Variants in CACNA2D2 observed in about 807,000 individuals in gnomAD.
The protein encoded by CACNA2D2 is voltage-dependent calcium channel subunit alpha-2/delta-2.
Under a neutral mutation model 166.4 loss-of-function variants are expected in CACNA2D2, and 48 were observed. The observed-to-expected ratio is 0.29, with a 90% CI of 0.23 to 0.37. The LOEUF (loss-of-function observed/expected upper bound fraction) is 0.37, where lower values mean the gene tolerates loss of function less well. CACNA2D2 is among the 10% of genes least tolerant of loss of function. The probability of loss-of-function intolerance (pLI) is 1.00; values close to 1 mark genes in which losing one functional copy is unlikely to be tolerated. For synonymous variants in CACNA2D2, 561 were observed against 573.7 expected (o/e 0.98, Z 0.32); for missense variants, 1,122 against 1,433.0 (o/e 0.78, Z 3.50).
In CACNA2D2 at chr3:50,379,206, G is replaced by A. The variant is rs759901921; in HGVS notation, c.1153-7C>T. The A allele has an allele frequency of 7.5e-6, 12 of 1,606,126 alleles. No individual in the cohort carries two copies. The African/African-American group carries it at 9.4e-5, about 13-fold the overall frequency. On this transcript the variant is annotated splice_region_variant and splice_polypyrimidine_tract_variant and intron_variant, in intron 11 of 37. Coordinates refer to ENST00000424201, the MANE Select transcript of CACNA2D2 (RefSeq NM_006030.4). This position sits in a 1 kb window ranked among gnomAD's most constrained non-coding sequence, Gnocchi z 6.5. ...TGGCCCGAGTGATGTTGGACTGAGGGGAGTGAGGCGGAGGCAGGCAGCTCT... is the reference window on the plus strand; with the variant it reads ...TGGCCCGAGTGATGTTGGACTGAGGAGAGTGAGGCGGAGGCAGGCAGCTCT...
chr3:50,436,093 G>T (rs1218829885), intron 2 of CACNA2D2, among the ~76,000 whole-genome samples: 5 of 152,214 alleles, frequency 3.3e-5, no homozygotes, highest in Non-Finnish European at 2.9e-5. Flanking sequence ...CACAGAAACA[G>T]GAGAGGGAAG....
rs753138465 is a variant in CACNA2D2, at chr3:50,366,104, G to A, written c.2769C>T (p.Ser923=). 7.4e-6 allele frequency: 12 copies of A among 1,613,840 alleles called. No homozygotes were observed. In the African/African-American group the frequency reaches 1.5e-4, roughly 20 times the overall value. ...CATAGGACTCCTTGCGGGTGTAGAAGGAGTTATTGTAGAGTGCCAGCATCA... is the reference window on the plus strand; with the variant it reads ...CATAGGACTCCTTGCGGGTGTAGAAAGAGTTATTGTAGAGTGCCAGCATCA... ...ANLMLALYNN[S]FYTRKESYDY... is the part of the protein sequence containing the mutation. The change falls in exon 32 of 38, where the codon TCC becomes TCT. Residue 923 remains serine, a synonymous_variant. Coordinates refer to ENST00000424201, the MANE Select transcript of CACNA2D2 (RefSeq NM_006030.4). This position sits in a 1 kb window ranked among gnomAD's most constrained non-coding sequence, Gnocchi z 5.9.
rs146841496 is a variant in CACNA2D2 at position 50,369,268 on chromosome 3, TTCAC to T, written c.2046-1037_2046-1034del. 9.5e-4 allele frequency among the ~76,000 whole-genome samples: 145 copies of T among 152,362 alleles called. 1 individual carries two copies. In the East Asian group the frequency reaches 0.017, roughly 18 times the overall value. ...ACGTGCACATTTGTGAGGTACTTCA[TTCAC>T]TCACCCTCCACGTATTTATTGAGCT... On this transcript the variant is annotated intron_variant, in intron 23 of 37. Transcript: ENST00000424201.
intron 1 of CACNA2D2, among the ~76,000 whole-genome samples, chr3:50,477,162 C>T (rs1277474372): frequency 6.6e-6 from 1 of 152,058 alleles, no homozygotes; most frequent in East Asian, 1.9e-4. Flanking sequence ...ATCTCCTGAC[C>T]TTGTGATCCG....
chr3:50,412,000 C>T (rs985060668), intron 3 of CACNA2D2, among the ~76,000 whole-genome samples: 4 of 152,194 alleles, frequency 2.6e-5, no homozygotes, highest in African/African-American at 9.6e-5. Flanking sequence ...GCAAGCCACG[C>T]TGGGCTTCTC....
intron 3 of CACNA2D2, among the ~76,000 whole-genome samples, chr3:50,411,145 T>C (rs1706994776): frequency 6.6e-6 from 1 of 152,196 alleles, no homozygotes; most frequent in Admixed American, 6.5e-5. Context: ...CCTGGCCAAA[T>C]GGAGCTTCTT....
intron 2 of CACNA2D2, among the ~76,000 whole-genome samples, chr3:50,474,047 C>G (rs1238530206): frequency 6.6e-6 from 1 of 152,210 alleles, no homozygotes; most frequent in Non-Finnish European, 1.5e-5. Context: ...CTGCCCCAGG[C>G]TCATCTTGTC....
In CACNA2D2 at chr3:50,375,523, C is replaced by A; in HGVS notation, c.1907+121G>T. The stretch of plus-strand genomic sequence containing the variant: ...TAAGCATCTCAGGGTGAGTAGTGAG[C>A]AGCCCTGGCCACTGGTGCCCCACTG... On this transcript the variant is annotated intron_variant, in intron 21 of 37. Coordinates refer to ENST00000424201, the MANE Select transcript of CACNA2D2 (RefSeq NM_006030.4). The surrounding 1 kb of genome is among the most constrained non-coding windows in gnomAD (Gnocchi z 4.0). The A allele has an allele frequency of 1.0e-6, 1 of 1,003,528 alleles. No individual in the cohort carries two copies. Among genetic ancestry groups the A allele is most frequent in the Non-Finnish European group, 1.5e-6 (1 of 660,752 alleles). The allele number at this position is 1,003,528 out of a possible 1,614,324, so 62.2% of individuals were successfully genotyped here.
At chr3:50,394,648 C>T (rs1399744524) in intron 3 of CACNA2D2, among the ~76,000 whole-genome samples, 2 of 152,260 alleles carry the variant, frequency 1.3e-5, no homozygotes, top group Non-Finnish European at 2.9e-5. Context: ...CTTCCTGAGC[C>T]CCTTCCCACA....
intron 1 of CACNA2D2, among the ~76,000 whole-genome samples, chr3:50,482,940 G>A (rs558809261): frequency 1.3e-5 from 2 of 152,288 alleles, no homozygotes; most frequent in East Asian, 1.9e-4. Context: ...CAGTCTAGCC[G>A]AGATCACTCA....
At chr3:50,419,273 C>T (rs1446401792) in intron 3 of CACNA2D2, among the ~76,000 whole-genome samples, 3 of 152,158 alleles carry the variant, frequency 2.0e-5, no homozygotes, top group Non-Finnish European at 4.4e-5. Flanking sequence ...GATGGGCTAA[C>T]GGATCACTGC....
rs1447778097 is a variant in CACNA2D2, at chr3:50,463,843, GGA to G, written c.288+12273_288+12274del. Among the ~76,000 whole-genome samples the G allele has an allele frequency of 5.3e-5, 8 of 152,354 alleles. No homozygotes were observed. The South Asian group carries it at 1.7e-3, about 32-fold the overall frequency. ...GAGAGAGCCCCTGAGTCCCAGGGAG[GGA>G]GGACCCTCATGTGAGCCTGCACTGC... On this transcript the variant is annotated intron_variant, in intron 2 of 37. Transcript: ENST00000424201.
At chr3:50,446,375 G>A (rs1708847998) in intron 2 of CACNA2D2, among the ~76,000 whole-genome samples, 2 of 152,236 alleles carry the variant, frequency 1.3e-5, no homozygotes, top group South Asian at 4.1e-4. Context: ...CTGAGGCACA[G>A]AGAGTAACTG....
intron 2 of CACNA2D2, among the ~76,000 whole-genome samples, chr3:50,451,569 C>T (rs902751255): frequency 1.3e-5 from 2 of 152,224 alleles, no homozygotes; most frequent in African/African-American, 4.8e-5. Flanking sequence ...ATACCCTCTG[C>T]ATGCCCCTCC....
chr3:50,500,370 C>T (rs1698909229), intron 1 of CACNA2D2, among the ~76,000 whole-genome samples: 1 of 152,158 alleles, frequency 6.6e-6, no homozygotes, highest in Non-Finnish European at 1.5e-5. Context: ...TCAGCCAGGA[C>T]TCCACAGAGG....
chr3:50,495,434 C>T (rs1388990722), intron 1 of CACNA2D2, among the ~76,000 whole-genome samples: 2 of 152,230 alleles, frequency 1.3e-5, no homozygotes, highest in African/African-American at 4.8e-5. Context: ...ACAGAACCCA[C>T]GAGAACTGGG....
At chr3:50,430,994 G>C (rs1346354456) in intron 3 of CACNA2D2, among the ~76,000 whole-genome samples, 1 of 152,148 alleles carries the variant, frequency 6.6e-6, no homozygotes, top group Non-Finnish European at 1.5e-5. Flanking sequence ...GGAGAAACTC[G>C]TTACAAACAT....
At position 50,362,639 on chromosome 3, in the gene CACNA2D2, A is replaced by G. The variant is rs1703994537; in HGVS notation, c.*2027T>C. Among the ~76,000 whole-genome samples, 1 of 151,138 alleles carries G rather than the reference A, an allele frequency of 6.6e-6. No homozygotes were observed. Among genetic ancestry groups the G allele is most frequent in the Non-Finnish European group, 1.5e-5 (1 of 68,012 alleles). On this transcript the variant is annotated 3_prime_UTR_variant, in exon 38 of 38. Transcript: ENST00000424201. Reference sequence around the variant, plus strand: ...ATGTCAAGGGCCTGGCACCTATTATAACTGGTGGAAGCAAGTGCCATGCCC... The same window carrying G: ...ATGTCAAGGGCCTGGCACCTATTATGACTGGTGGAAGCAAGTGCCATGCCC...
In CACNA2D2 at chr3:50,402,567, GAA is replaced by G. The variant is rs1706497401; in HGVS notation, c.406-8401_406-8400del. ...CTGTGGCTTCAGAGCCCAGCCATAT[GAA>G]GGCACCTCACCCTCAAGGAACCCAG... is the stretch of plus-strand genomic sequence containing the variant. On this transcript the variant is annotated intron_variant, in intron 3 of 37. Coordinates refer to ENST00000424201, the MANE Select transcript of CACNA2D2 (RefSeq NM_006030.4). 3.3e-5 allele frequency among the ~76,000 whole-genome samples: 5 copies of G among 152,200 alleles called. No individual in the cohort carries two copies. In the South Asian group the frequency reaches 1.0e-3, roughly 32 times the overall value.
Sources: gnomAD v4.1 joint callset for allele counts (sites outside exome capture counted in the v4.1 genomes callset) on GRCh38, gnomAD v4.1.1 for gene constraint, Gnocchi (gnomAD v3.1) non-coding constraint, MANE v1.5 for transcripts, NCBI Gene and HGNC (gene_info 2026-07-23, HGNC 2026-07-21) for gene names.